TESMIN: variants seen among roughly 807,000 people sequenced by gnomAD.
TESMIN encodes the protein testis expressed metallothionein like protein, also known as CXC domain containing 2.
A neutral mutation model predicts 47.4 loss-of-function variants in TESMIN; 34 were observed. The observed-to-expected ratio is 0.72, with a 90% CI of 0.55 to 0.96. TESMIN has a LOEUF of 0.96. Among genes scored for constraint, TESMIN ranks in the 40% least tolerant of loss-of-function variants. TESMIN has a pLI of 0.00. For synonymous variants in TESMIN, 278 were observed against 258.9 expected, an observed-to-expected ratio of 1.07 and a Z score of -0.71; for missense variants, 610 against 637.2, an observed-to-expected ratio of 0.96 and a Z score of 0.46.
intron 6 of TESMIN, 86 bp from the exon 7 acceptor site, chr11:68,716,025 C>T (rs1030377812): frequency 7.2e-5 from 63 of 879,348 alleles, no homozygotes; most frequent in African/African-American, 2.0e-4. Flanking sequence ...AAGGAAAGAG[C>T]GGGCAGTGTG....
At chr11:68,730,264 G>T (rs114595499) in intron 6 of TESMIN, among the ~76,000 whole-genome samples, 352 of 152,242 alleles carry the variant, frequency 2.3e-3, no homozygotes, top group African/African-American at 8.0e-3. Flanking sequence ...ATTGTGATTT[G>T]CTCTGTTGTG....
At chr11:68,741,244 C>A (rs376549961) in intron 5 of TESMIN, among the ~76,000 whole-genome samples, 1 of 152,288 alleles carries the variant, frequency 6.6e-6, no homozygotes, top group South Asian at 2.1e-4. Context: ...GCCCTGCTCC[C>A]CTAGCTCACA....
chr11:68,704,853 C>G (rs1297618752), downstream of TESMIN, among the ~76,000 whole-genome samples: 1 of 152,208 alleles, frequency 6.6e-6, no homozygotes, highest in Non-Finnish European at 1.5e-5. Flanking sequence ...AACAAACCAG[C>G]TACCATTTTT....
Position 68,743,537 on chromosome 11 carries a change from C to T in TESMIN, c.752-1143G>A, listed in dbSNP as rs12278328. ...GTGCTAGGATTATAGGCGTGAGCCA[C>T]GGCAGCCAGCACTACTTTCGATTTA... On this transcript the variant is annotated intron_variant, in intron 4 of 9. Transcript: ENST00000255087. Among the ~76,000 whole-genome samples, 998 of 152,246 alleles carry T rather than the reference C, an allele frequency of 6.6e-3. 13 individuals carry two copies. Among genetic ancestry groups the T allele is most frequent in the African/African-American group, 0.022 (934 of 41,540 alleles).
rs1033802863 is a variant in TESMIN at position 68,707,733 on chromosome 11, G to A, written c.*575C>T. The A allele has an allele frequency of 6.9e-6, 3 of 436,848 alleles. No individual in the cohort carries two copies. The highest frequency in any genetic ancestry group is 4.0e-5 in the African/African-American group (2 of 49,580). The allele number at this position is 436,848 out of a possible 1,614,324, so 27.1% of individuals were successfully genotyped here. A position where few individuals can be genotyped will look rare whatever the true frequency, so the allele number is the denominator to read the frequency against. ...TTGCCTGCGTCTCCCGGGGGCCTTA[G>A]GAAAGACTGACAGTTCGCGTGCCTC... is the stretch of plus-strand genomic sequence containing the variant. On this transcript the variant is annotated 3_prime_UTR_variant, in exon 10 of 10. Coordinates refer to ENST00000255087, the MANE Select transcript of TESMIN (RefSeq NM_004923.3).
intron 6 of TESMIN, among the ~76,000 whole-genome samples, chr11:68,724,553 G>C (rs1946239415): frequency 6.6e-6 from 1 of 152,222 alleles, no homozygotes; most frequent in Non-Finnish European, 1.5e-5. Context: ...CTAGGCTGTG[G>C]CCAAAGGGCT....
At chr11:68,751,252 A>C (rs930193744) in intron 1 of TESMIN, among the ~76,000 whole-genome samples, 168 bp downstream of exon 1, 2 of 27,074 alleles carry the variant, frequency 7.4e-5, no homozygotes, top group Non-Finnish European at 8.0e-5. Context: ...CAGCCAGGGG[A>C]GGGGGGGCCA....
At chr11:68,737,857 G>A (rs949883479) in intron 6 of TESMIN, 82 of 880,284 alleles carry the variant, frequency 9.3e-5, no homozygotes, top group Middle Eastern at 5.8e-4. Context: ...AGGTTGCAGT[G>A]AGCAGAGATC....
At chr11:68,715,793 T>C (rs946565906) in intron 7 of TESMIN, 44 bp downstream of exon 7, 3 of 1,381,774 alleles carry the variant, frequency 2.2e-6, no homozygotes, top group Non-Finnish European at 3.1e-6. Flanking sequence ...CTCAAACAGT[T>C]TGAAATGCTT....
intron 6 of TESMIN, among the ~76,000 whole-genome samples, chr11:68,727,066 C>T (rs1224732166): frequency 6.8e-6 from 1 of 147,184 alleles, no homozygotes; most frequent in Non-Finnish European, 1.5e-5. Context: ...GAGATCCTGT[C>T]TCAAAAAAAA....
Position 68,750,618 on chromosome 11 carries a change from C to G in TESMIN, c.43G>C (p.Asp15His). ...PLPGGLPSPE[D>H]AMVTELLSPE... ...CTTAAGAGCTCCGTCACCATCGCAT[C>G]CTCGGGGCTGGGCAGCCCGCCCGGC... is the stretch of plus-strand genomic sequence containing the variant. The change falls in exon 2 of 10, where the codon GAT (aspartate) becomes CAT (histidine). Residue 15 changes from aspartate (D) to histidine (H), a missense_variant. By Grantham distance (81) the Asp-to-His change is moderately conservative. Transcript: ENST00000255087. The G allele has an allele frequency of 1.3e-6, 2 of 1,591,824 alleles. No homozygotes were observed. The highest frequency in any genetic ancestry group is 1.7e-6 in the Non-Finnish European group (2 of 1,168,554).
intron 4 of TESMIN, among the ~76,000 whole-genome samples, chr11:68,743,393 C>T (rs564094251): frequency 2.0e-5 from 3 of 152,106 alleles, no homozygotes; most frequent in South Asian, 4.2e-4. Flanking sequence ...AACAGGTGCA[C>T]ACCACCAAGC....
intron 6 of TESMIN, among the ~76,000 whole-genome samples, chr11:68,731,806 T>C (rs1946330426): frequency 6.6e-6 from 1 of 152,228 alleles, no homozygotes; most frequent in African/African-American, 2.4e-5. Flanking sequence ...TGGGTGAATT[T>C]ACCTATTCCT....
rs1000100605 is a variant in TESMIN, at chr11:68,737,150, C to T, written c.917+1550G>A. The T allele has an allele frequency of 2.4e-5, 24 of 985,290 alleles. No individual in the cohort carries two copies. The African/African-American group carries it at 4.2e-4, about 17-fold the overall frequency. The allele number at this position is 985,290 out of a possible 1,614,324, so 61.0% of individuals were successfully genotyped here. On this transcript the variant is annotated intron_variant, in intron 6 of 9. Transcript: ENST00000255087. ...AGCAGAATCTGGAAGTAGCTGAAGT[C>T]ATTTTTGTTTGGTCCAGAAATGTTA...
intron 2 of TESMIN, among the ~76,000 whole-genome samples, chr11:68,749,952 G>A (rs1946568913): frequency 6.6e-6 from 1 of 152,164 alleles, no homozygotes; most frequent in African/African-American, 2.4e-5. Context: ...AGCTTTGGAC[G>A]ACTGGTGCAG....
chr11:68,750,220 T>G lies in TESMIN; in HGVS notation c.441A>C (p.Gly147=). 1 of 1,502,964 alleles carries G rather than the reference T, an allele frequency of 6.7e-7. No individual in the cohort carries two copies. Among genetic ancestry groups the G allele is most frequent in the African/African-American group, 1.4e-5 (1 of 68,994 alleles). 93.1% of individuals were successfully genotyped at this position (1,502,964 alleles called of 1,614,324 possible). A position where few individuals can be genotyped will look rare whatever the true frequency, so the allele number is the denominator to read the frequency against. The change falls in exon 2 of 10, where the codon GGA becomes GGC. Residue 147 remains glycine, a synonymous_variant. Transcript: ENST00000255087. ...TCATGCGGACGCCCGGGTGGGAGGC[T>G]CCTTCCAGGACCCAGGCGCCCAGGG... ...VLPLGAWVLE[G]ASHPGVRMIP...
intron 7 of TESMIN, among the ~76,000 whole-genome samples, chr11:68,715,371 T>C (rs1292433720): frequency 6.6e-6 from 1 of 152,216 alleles, no homozygotes; most frequent in Non-Finnish European, 1.5e-5. Context: ...ATTCTTCTCT[T>C]TTTCTGGAAG....
chr11:68,708,822 G>A (rs893951300), intron 9 of TESMIN, among the ~76,000 whole-genome samples: 3 of 151,120 alleles, frequency 2.0e-5, no homozygotes, highest in Admixed American at 1.3e-4. Flanking sequence ...GCACGATCTC[G>A]GCTCACTGCA....
rs758426133 is a variant in TESMIN, at chr11:68,715,900, G to A, written c.957C>T (p.Asn319=). 18 of 1,613,622 alleles carry A rather than the reference G, an allele frequency of 1.1e-5. No homozygotes were observed. The highest frequency in any genetic ancestry group is 1.4e-5 in the Non-Finnish European group (17 of 1,179,640). ...DCFASGDFCN[N]CNCNNCCNNL... ...TGTTGCAACAATTATTACAATTGCA[G>A]TTGTTGCAAAAGTCCCCACTGGCAA... The change falls in exon 7 of 10, where the codon AAC becomes AAT. Residue 319 remains asparagine (N), a synonymous_variant. Transcript: ENST00000255087.
Sources: gnomAD v4.1 joint callset for allele counts (sites outside exome capture counted in the v4.1 genomes callset) on GRCh38, gnomAD v4.1.1 for gene constraint, MANE v1.5 for transcripts, NCBI Gene and HGNC (gene_info 2026-07-23, HGNC 2026-07-21) for gene names.